Variants in BAZ2B observed in about 807,000 individuals in gnomAD.
The protein encoded by BAZ2B is bromodomain adjacent to zinc finger domain protein 2B.
In BAZ2B, 91 loss-of-function variants were observed where a neutral mutation model predicts 246.0. The observed-to-expected ratio is 0.37, with a 90% CI of 0.31 to 0.44. The LOEUF (loss-of-function observed/expected upper bound fraction) is 0.44. BAZ2B is among the 20% of genes least tolerant of loss of function. BAZ2B has a pLI of 1.00. For synonymous variants in BAZ2B, 855 were observed against 860.0 expected, an observed-to-expected ratio of 0.99 and a Z score of 0.10; for missense variants, 2,332 against 2,533.7, an observed-to-expected ratio of 0.92 and a Z score of 1.71.
chr2:159,578,863 T>C (rs1686014723), intron 1 of BAZ2B, among the ~76,000 whole-genome samples: 1 of 152,156 alleles, frequency 6.6e-6, no homozygotes, highest in Non-Finnish European at 1.5e-5. Flanking sequence ...ATAAAGATGT[T>C]CTTTGAAACC....
At chr2:159,430,244 T>C (rs1341366894) in intron 10 of BAZ2B, among the ~76,000 whole-genome samples, 2 of 152,106 alleles carry the variant, frequency 1.3e-5, no homozygotes, top group Non-Finnish European at 2.9e-5. Context: ...GACCAATCCT[T>C]CTCCTCCTCA....
At chr2:159,623,887 G>A in the BAZ2B span, among the ~76,000 whole-genome samples, 1 of 152,244 alleles carries the variant, frequency 6.6e-6, no homozygotes, top group Non-Finnish European at 1.5e-5. Context: ...ACACAGTGGA[G>A]TACTATGCAG....
chr2:159,354,984 G>A (rs1460163778), intron 27 of BAZ2B, among the ~76,000 whole-genome samples: 2 of 152,160 alleles, frequency 1.3e-5, no homozygotes, highest in Admixed American at 1.3e-4. Context: ...GTCTTCTTGA[G>A]TTTTACCAGA....
chr2:159,706,092 CACACACAA>C, the BAZ2B span, among the ~76,000 whole-genome samples: 1 of 151,828 alleles, frequency 6.6e-6, no homozygotes, highest in Non-Finnish European at 1.5e-5. Flanking sequence ...ATAACACACA[CACACACAA>C]ACACACACAC....
chr2:159,709,447 G>C, the BAZ2B span, among the ~76,000 whole-genome samples: 1 of 152,142 alleles, frequency 6.6e-6, no homozygotes, highest in South Asian at 2.1e-4. Context: ...AGCTAGAAGG[G>C]AAGACTTGAA....
At chr2:159,459,228 T>C (rs2076137234) in intron 3 of BAZ2B, 1 of 152,198 alleles carries the variant, frequency 6.6e-6, no homozygotes, top group African/African-American at 2.4e-5. Flanking sequence ...GAAACAGCCA[T>C]TTTTACTCTT....
chr2:159,548,978 T>G (rs533073869), intron 2 of BAZ2B, among the ~76,000 whole-genome samples: 1 of 152,292 alleles, frequency 6.6e-6, no homozygotes, highest in African/African-American at 2.4e-5. Flanking sequence ...AAATGTTATA[T>G]TTCAACAACG....
intron 34 of BAZ2B, among the ~76,000 whole-genome samples, chr2:159,327,569 T>C (rs2063898637): frequency 2.0e-5 from 3 of 152,192 alleles, no homozygotes; most frequent in Non-Finnish European, 4.4e-5. Context: ...ACTGAGCTTT[T>C]ACTCTGAATC....
the BAZ2B span, among the ~76,000 whole-genome samples, chr2:159,652,400 G>C: frequency 7.2e-5 from 11 of 151,984 alleles, no homozygotes; most frequent in Non-Finnish European, 1.6e-4. Context: ...AATAGAGACA[G>C]GGTTTCATCA....
At chr2:159,457,193 C>A (rs1288865033) in intron 3 of BAZ2B, among the ~76,000 whole-genome samples, 2 of 152,056 alleles carry the variant, frequency 1.3e-5, no homozygotes, top group Non-Finnish European at 2.9e-5. Flanking sequence ...AAGTAACTGG[C>A]CTACAAGGAT....
chr2:159,538,735 C>CA (rs1559724563), intron 2 of BAZ2B, among the ~76,000 whole-genome samples: 3 of 152,216 alleles, frequency 2.0e-5, no homozygotes, highest in African/African-American at 7.2e-5. Flanking sequence ...GCCCAATACT[C>CA]AAAAAACATA....
At chr2:159,673,355 A>G in the BAZ2B span, among the ~76,000 whole-genome samples, 2 of 152,224 alleles carry the variant, frequency 1.3e-5, no homozygotes. Flanking sequence ...AAGTTTGACA[A>G]TTACTCTGTT....
At chr2:159,452,837 C>T (rs1391512514) in intron 4 of BAZ2B, among the ~76,000 whole-genome samples, 1 of 152,198 alleles carries the variant, frequency 6.6e-6, no homozygotes, top group East Asian at 1.9e-4. Context: ...CAGTGGCTCA[C>T]ACCTGTAATT....
chr2:159,389,421 T>C lies in BAZ2B; in HGVS notation c.3140A>G (p.Glu1047Gly), dbSNP rs1460306787. The C allele has an allele frequency of 6.2e-7, 1 of 1,612,312 alleles. No homozygotes were observed. Among genetic ancestry groups the C allele is most frequent in the Non-Finnish European group, 8.5e-7 (1 of 1,178,996 alleles). The change falls in exon 21 of 37, where the codon GAG (glutamate) becomes GGG (glycine). Residue 1047 changes from glutamate to glycine, a missense_variant. Transcript: ENST00000392783. Reference protein sequence around the residue: ...EKRLNKERKLEQRRLELEMAK... With the variant: ...EKRLNKERKLGQRRLELEMAK... The stretch of plus-strand genomic sequence containing the variant: ...CATTTCTAATTCTAATCTTCGCTGC[T>C]CTAGTTTACGCTCTTTATTTAATCT...
chr2:159,425,221 C>T, intron 13 of BAZ2B, among the ~76,000 whole-genome samples: 1 of 152,166 alleles, frequency 6.6e-6, no homozygotes, highest in East Asian at 1.9e-4. Context: ...CACTCTGTCG[C>T]CCAGGCTGGA....
At chr2:159,705,898 A>G in the BAZ2B span, among the ~76,000 whole-genome samples, 1 of 152,246 alleles carries the variant, frequency 6.6e-6, no homozygotes, top group East Asian at 1.9e-4. Flanking sequence ...TGAAAGCAGC[A>G]GAGTGATAAT....
chr2:159,332,737 G>A (rs748046322), intron 33 of BAZ2B, 51 bp from the exon 34 acceptor site: 2 of 1,587,224 alleles, frequency 1.3e-6, no homozygotes, highest in African/African-American at 1.3e-5. Context: ...ATGAATAATA[G>A]TTATTGGGAT....
intron 13 of BAZ2B, among the ~76,000 whole-genome samples, chr2:159,419,472 T>C (rs909002715): frequency 5.3e-5 from 8 of 152,202 alleles, no homozygotes; most frequent in African/African-American, 1.4e-4. Context: ...GAAAGGGTGA[T>C]AGATTATCAA....
chr2:159,690,275 C>G, the BAZ2B span: 1 of 333,822 alleles, frequency 3.0e-6, no homozygotes, highest in African/African-American at 2.2e-5. Context: ...CGTCTTGGCT[C>G]CCTTCTGCCA....
Sources: gnomAD v4.1 joint callset for allele counts (sites outside exome capture counted in the v4.1 genomes callset) on GRCh38, gnomAD v4.1.1 for gene constraint, MANE v1.5 for transcripts, NCBI Gene and HGNC (gene_info 2026-07-23, HGNC 2026-07-21) for gene names.